The following ITGB7 variants were observed in gnomAD, a reference collection of about 807,000 sequenced individuals.
The protein encoded by ITGB7 is integrin subunit beta 7.
A neutral mutation model predicts 83.4 loss-of-function variants in ITGB7; 55 were observed. The observed-to-expected ratio is 0.66, with a 90% CI of 0.53 to 0.83. The LOEUF is 0.83. Ranked by LOEUF, ITGB7 falls within the 40% of genes least tolerant of loss-of-function variation. The pLI, the probability that ITGB7 is intolerant of heterozygous loss-of-function variation, is 0.00. For missense variants in ITGB7, 921 were observed against 1,046.7 expected (o/e 0.88, Z 1.66); for synonymous variants, 454 against 423.6 (o/e 1.07, Z -0.88).
chr12:53,197,352 G>A (rs1025883138), intron 5 of ITGB7, 141 bp downstream of exon 5: 2 of 895,960 alleles, frequency 2.2e-6, no homozygotes, highest in Non-Finnish European at 3.7e-6. Flanking sequence ...AGAGATGCAG[G>A]AACGAACCTG....
In ITGB7 at chr12:53,196,136, T is replaced by C. The variant is rs1441767396; in HGVS notation, c.880A>G (p.Thr294Ala). 1 of 1,614,142 alleles carries C rather than the reference T, an allele frequency of 6.2e-7. No individual in the cohort carries two copies. The highest frequency in any genetic ancestry group is 8.5e-7 in the Non-Finnish European group (1 of 1,179,994). ...LVFTSDDTFH[T>A]AGDGKLGGIF... is the part of the protein sequence containing the mutation. ...CCGCCCAACTTCCCGTCCCCAGCTG[T>C]ATGGAATGTGTCGTCTGAAGTGAAC... The change falls in exon 7 of 16, where the codon ACA (threonine) becomes GCA (alanine). Residue 294 changes from threonine (T) to alanine (A), a missense_variant. Physicochemically the swap from Thr to Ala is moderately conservative, Grantham distance 58 (BLOSUM62 0). Transcript: ENST00000267082.
Position 53,197,672 on chromosome 12 carries a change from T to TGGGCGGC in ITGB7, c.404-16_404-10dup. 6.2e-7 allele frequency: 1 copy of TGGGCGGC among 1,612,462 alleles called. No individual in the cohort carries two copies. Among genetic ancestry groups the TGGGCGGC allele is most frequent in the Non-Finnish European group, 8.5e-7 (1 of 1,179,376 alleles). The stretch of plus-strand genomic sequence containing the variant: ...GAGCTGCTGGGGCTCCCCTAGGGGG[T>TGGGCGGC]GGGCGGCGGGCGGGTCAGCAGAGCG... On this transcript the variant is annotated splice_polypyrimidine_tract_variant and intron_variant, in intron 4 of 15. Transcript: ENST00000267082.
In ITGB7 at chr12:53,192,430, A is replaced by G; in HGVS notation, c.2055T>C (p.Asp685=). Residue 685 remains aspartate (D), a synonymous_variant, in exon 14 of 16, where the codon GAT becomes GAC. Transcript: ENST00000267082. The part of the protein sequence containing the change: ...VTLALAPILD[D]GWCKERTLDN... ...CCAGGGTCCGCTCTTTGCACCAGCC[A>G]TCATCCAAGATAGGGGCCAAGGCCA... The G allele has an allele frequency of 6.2e-7, 1 of 1,614,128 alleles. No individual in the cohort carries two copies. The highest frequency in any genetic ancestry group is 8.5e-7 in the Non-Finnish European group (1 of 1,180,024).
Position 53,194,178 on chromosome 12 carries a change from C to G in ITGB7, c.1308+20G>C. 6.2e-7 allele frequency: 1 copy of G among 1,613,884 alleles called. No individual in the cohort carries two copies. The highest frequency in any genetic ancestry group is 8.5e-7 in the Non-Finnish European group (1 of 1,179,842). The stretch of plus-strand genomic sequence containing the variant: ...CCACCTCCCCCTGCCCGCCTTCTGC[C>G]TGTGCTTGCTGGCTCTCACCGTCTG... On this transcript the variant is annotated intron_variant, in intron 10 of 15. Transcript: ENST00000267082.
At chr12:53,195,790 C>G in intron 7 of ITGB7, 69 bp from the exon 8 acceptor site, 1 of 1,311,746 alleles carries the variant, frequency 7.6e-7, no homozygotes, top group Non-Finnish European at 1.1e-6. Flanking sequence ...TGCCCTCAGC[C>G]CAGGGAATCC....
intron 1 of ITGB7, among the ~76,000 whole-genome samples, chr12:53,202,951 A>G (rs1942352951): frequency 6.6e-6 from 1 of 152,220 alleles, no homozygotes; most frequent in Non-Finnish European, 1.5e-5. Context: ...CAAAGCCCTA[A>G]ATATAACTAC....
In ITGB7 at chr12:53,200,459, A is replaced by T; in HGVS notation, c.-3-13T>A. The T allele has an allele frequency of 6.2e-7, 1 of 1,611,598 alleles. No individual in the cohort carries two copies. Among genetic ancestry groups the T allele is most frequent in the Non-Finnish European group, 8.5e-7 (1 of 1,177,732 alleles). On this transcript the variant is annotated splice_polypyrimidine_tract_variant and intron_variant, in intron 2 of 15. Coordinates refer to ENST00000267082, the MANE Select transcript of ITGB7 (RefSeq NM_000889.3). ...AAGCCACCATGCCCTGTAATAGGAT[A>T]TAAAGGGGGACATGTGGGTCCTCAG...
At chr12:53,194,664 G>C (rs1380506798) in intron 9 of ITGB7, 1 of 262,782 alleles carries the variant, frequency 3.8e-6, no homozygotes, top group African/African-American at 2.2e-5. Context: ...ACATAACCTG[G>C]GTGCATGCCA....
rs1942380670 is a variant in ITGB7, at chr12:53,204,109, G to A, written c.-126-2915C>T. On this transcript the variant is annotated intron_variant, in intron 1 of 15. Coordinates refer to ENST00000267082, the MANE Select transcript of ITGB7 (RefSeq NM_000889.3). ...AAGCAATGAAATGGGTCTGGGCACA[G>A]TGGCTCACGACTGTAATCCCAGCAC... Among the ~76,000 whole-genome samples, 3 of 152,310 alleles carry A rather than the reference G, an allele frequency of 2.0e-5. No individual in the cohort carries two copies. In the South Asian group the frequency reaches 6.2e-4, roughly 32 times the overall value.
At chr12:53,193,475 A>G (rs907052280) in intron 11 of ITGB7, 112 bp from the exon 12 acceptor site, 2 of 835,636 alleles carry the variant, frequency 2.4e-6, no homozygotes, top group Non-Finnish European at 3.7e-6. Context: ...AGACAGACAA[A>G]CAGCTGAAAG....
At chr12:53,193,398 G>T (rs1477227304) in intron 11 of ITGB7, 35 bp from the exon 12 acceptor site, 1 of 1,469,524 alleles carries the variant, frequency 6.8e-7, no homozygotes, top group African/African-American at 1.4e-5. Context: ...AAGTAGGTCA[G>T]AGGGTTTGAT....
Position 53,202,789 on chromosome 12 carries a change from C to T in ITGB7, c.-126-1595G>A, listed in dbSNP as rs138096984. Among the ~76,000 whole-genome samples the T allele has an allele frequency of 2.5e-4, 38 of 152,092 alleles. 1 individual carries two copies. Among genetic ancestry groups the T allele is most frequent in the African/African-American group, 9.1e-4 (38 of 41,534 alleles). On this transcript the variant is annotated intron_variant, in intron 1 of 15. Coordinates refer to ENST00000267082, the MANE Select transcript of ITGB7 (RefSeq NM_000889.3). Reference sequence around the variant, plus strand: ...CAGCCTGGCTAACATAGTGAAACCCCGTCTCTACTAAAAATACAAAAATTA... The same window carrying T: ...CAGCCTGGCTAACATAGTGAAACCCTGTCTCTACTAAAAATACAAAAATTA...
rs755047217 is a variant in ITGB7, at chr12:53,191,981, C to T, written c.2194G>A (p.Val732Ile). ...AGCCCCACTGCCACGATGCCCCCTACGCAGCCCAGCACAATGGCCTGCGTG... is the reference window on the plus strand; with the variant it reads ...AGCCCCACTGCCACGATGCCCCCTATGCAGCCCAGCACAATGGCCTGCGTG... ...DHTQAIVLGC[V>I]GGIVAVGLGL... The change falls in exon 15 of 16, where the codon GTA (valine) becomes ATA (isoleucine). Residue 732 changes from valine (V) to isoleucine (I), a missense_variant. Val to Ile is a conservative substitution (Grantham distance 29). Coordinates refer to ENST00000267082, the MANE Select transcript of ITGB7 (RefSeq NM_000889.3). 2.4e-5 allele frequency: 39 copies of T among 1,612,620 alleles called. No homozygotes were observed. The South Asian group carries it at 2.6e-4, about 11-fold the overall frequency.
rs11574539 is a variant in ITGB7 at position 53,195,727 on chromosome 12, A to G, written c.976-6T>C. The G allele has an allele frequency of 0.064, 103,054 of 1,609,050 alleles. 4,168 individuals are homozygous for G. The highest frequency in any genetic ancestry group is 0.17 in the East Asian group (7,724 of 44,852). On this transcript the variant is annotated splice_region_variant and splice_polypyrimidine_tract_variant and intron_variant, in intron 7 of 15. Transcript: ENST00000267082. Reference sequence around the variant, plus strand: ...TGACCCACAGAAGGGTAGTCCTGGGACAGGGAGCAGGGACAAGGTGAGCCC... The same window carrying G: ...TGACCCACAGAAGGGTAGTCCTGGGGCAGGGAGCAGGGACAAGGTGAGCCC...
rs747349316 is a variant in ITGB7 at position 53,200,268 on chromosome 12, G to T, written c.176C>A (p.Pro59His). The T allele has an allele frequency of 3.7e-6, 6 of 1,613,944 alleles. No individual in the cohort carries two copies. In the Admixed American group the frequency reaches 1.0e-4, roughly 27 times the overall value. The change falls in exon 3 of 16, where the codon CCC becomes CAC. Residue 59 changes from proline (P) to histidine (H), a missense_variant. By Grantham distance (77) the Pro-to-His change is moderately conservative (BLOSUM62 -2). Coordinates refer to ENST00000267082, the MANE Select transcript of ITGB7 (RefSeq NM_000889.3). Reference sequence around the variant, plus strand: ...CAGTTGCTTGCACCATGCACAGCTGGGGTGTGAGAGGATGCACTTCTGGCA... The same window carrying T: ...CAGTTGCTTGCACCATGCACAGCTGTGGTGTGAGAGGATGCACTTCTGGCA... ...PSCQKCILSH[P>H]SCAWCKQLNF...
intron 1 of ITGB7, among the ~76,000 whole-genome samples, chr12:53,205,094 G>A (rs568934864): frequency 4.9e-4 from 74 of 150,708 alleles, no homozygotes; most frequent in Non-Finnish European, 7.3e-4. Flanking sequence ...CAAAGTGCTG[G>A]AATTACAGGC....
Position 53,197,792 on chromosome 12 carries a change from TGGCACCCTCTCCGCG to T in ITGB7, c.346_360del (p.Arg116_Ala120del), listed in dbSNP as rs1205485246. Reference sequence around the variant, plus strand: ...CGGACCCGCTGCGGCGCCAGCTGGGTGGCACCCTCTCCGCGGGCGCCCTGGCTGAGCGGCTGGTCC... The same window carrying T: ...CGGACCCGCTGCGGCGCCAGCTGGGTGGCGCCCTGGCTGAGCGGCTGGTCC... On this transcript the variant is annotated inframe_deletion, in exon 4 of 16. Coordinates refer to ENST00000267082, the MANE Select transcript of ITGB7 (RefSeq NM_000889.3). 4.5e-6 allele frequency: 7 copies of T among 1,553,698 alleles called. No individual in the cohort carries two copies. Among genetic ancestry groups the T allele is most frequent in the African/African-American group, 4.1e-5 (3 of 73,178 alleles).
Position 53,191,856 on chromosome 12 carries a change from C to T in ITGB7, c.2316+3G>A. ...AAGGGGCCTAACCAGGAAGTCTCCT[C>T]ACCTGCTTCCAGTTGAGTTGTTGCT... On this transcript the variant is annotated splice_donor_region_variant and intron_variant, in intron 15 of 15. Transcript: ENST00000267082. 1 of 1,613,410 alleles carries T rather than the reference C, an allele frequency of 6.2e-7. No homozygotes were observed. Among genetic ancestry groups the T allele is most frequent in the East Asian group, 2.2e-5 (1 of 44,872 alleles).
intron 5 of ITGB7, 49 bp downstream of exon 5, chr12:53,197,444 T>C: frequency 6.2e-7 from 1 of 1,606,554 alleles, no homozygotes; most frequent in Admixed American, 1.7e-5. Flanking sequence ...GCTAGGGCAG[T>C]GGTTGAATAG....
Sources: allele counts gnomAD v4.1 joint callset (sites outside exome capture counted in the v4.1 genomes callset), GRCh38; gene constraint gnomAD v4.1.1; transcripts MANE v1.5; gene names NCBI Gene and HGNC (gene_info 2026-07-23, HGNC 2026-07-21).